ARHGAP19: variants seen among roughly 807,000 people sequenced by gnomAD.
The protein encoded by ARHGAP19 is Rho GTPase activating protein 19, also known as rho GTPase-activating protein 19.
ARHGAP19 carries 48 observed loss-of-function variants against 60.9 expected under a neutral mutation model. The observed-to-expected ratio is 0.79, with a 90% CI of 0.62 to 1.00. The LOEUF (loss-of-function observed/expected upper bound fraction) is 1.00, where lower values mean the gene tolerates loss of function less well. Ranked by LOEUF, ARHGAP19 falls within the 50% of genes least tolerant of loss-of-function variation. The probability of loss-of-function intolerance (pLI) is 0.00; values close to 1 mark genes in which losing one functional copy is unlikely to be tolerated. For missense variants in ARHGAP19, 562 were observed against 597.2 expected, an observed-to-expected ratio of 0.94 and a Z score of 0.61; for synonymous variants, 209 against 215.5, an observed-to-expected ratio of 0.97 and a Z score of 0.27.
chr10:97,232,194 C>T (rs1362515082), intron 9 of ARHGAP19, among the ~76,000 whole-genome samples: 9 of 121,318 alleles, frequency 7.4e-5, no homozygotes, highest in Admixed American at 7.3e-4. Context: ...GACAGAGTCT[C>T]GCTCTGTCAC....
At chr10:97,283,122 C>T (rs560400949) in intron 1 of ARHGAP19, among the ~76,000 whole-genome samples, 42 of 152,086 alleles carry the variant, frequency 2.8e-4, no homozygotes, top group Non-Finnish European at 3.7e-4. Flanking sequence ...GGATTACAGG[C>T]GTGAGCCACC....
Position 97,243,982 on chromosome 10 carries a change from G to A in ARHGAP19, c.1171C>T (p.Gln391Ter), listed in dbSNP as rs781278690. The A allele has an allele frequency of 1.2e-6, 2 of 1,608,670 alleles. No homozygotes were observed. Among genetic ancestry groups the A allele is most frequent in the African/African-American group, 1.3e-5 (1 of 74,806 alleles). ...HDMPESAKKK[Q>*]LIRQFNKQSL... ...CCTTTAGGCACCTGTCTAATAAGTT[G>A]TTTCTTCTTTGCTGACTCTGGCATA... Residue 391 changes from glutamine to a stop codon, truncating the protein, a stop_gained, in exon 8 of 12, where the codon CAA becomes TAA. Coordinates refer to ENST00000358531, the MANE Select transcript of ARHGAP19 (RefSeq NM_032900.6). LOFTEE classifies it high-confidence loss of function.
In ARHGAP19 at chr10:97,222,731, G is replaced by A. The variant is rs950301611; in HGVS notation, c.*3391C>T. 6.6e-6 allele frequency: 1 copy of A among 152,154 alleles called. No individual in the cohort carries two copies. The highest frequency in any genetic ancestry group is 1.9e-4 in the East Asian group (1 of 5,194). 9.4% of individuals were successfully genotyped at this position (152,154 alleles called of 1,614,324 possible). Reference sequence around the variant, plus strand: ...GTATCTAGGTTTAGATCTAGGTCCTGTCTTCCGTTTGAAGCCTTCAGGGTA... The same window carrying A: ...GTATCTAGGTTTAGATCTAGGTCCTATCTTCCGTTTGAAGCCTTCAGGGTA... On this transcript the variant is annotated 3_prime_UTR_variant, in exon 12 of 12. Transcript: ENST00000358531.
At chr10:97,238,751 A>T (rs1289570406) in intron 8 of ARHGAP19, among the ~76,000 whole-genome samples, 1 of 152,152 alleles carries the variant, frequency 6.6e-6, no homozygotes, top group Non-Finnish European at 1.5e-5. Flanking sequence ...GAAGAAAAAA[A>T]TTTTATAAAT....
intron 8 of ARHGAP19, among the ~76,000 whole-genome samples, chr10:97,236,406 T>C (rs1346497227): frequency 6.6e-6 from 1 of 152,128 alleles, no homozygotes; most frequent in Non-Finnish European, 1.5e-5. Context: ...CAAAGTTAAT[T>C]GTCTCGGCAG....
rs898389471 is a variant in ARHGAP19, at chr10:97,244,075, G to A, written c.1078C>T (p.Pro360Ser). ...SQKRNRVDSC[P>S]HQEETQHHTE... ...TGGTGCTGGGTCTCCTCCTGGTGAG[G>A]GCAGGAATCTACCCGGTTCCGTTTC... Residue 360 changes from proline (P) to serine (S), a missense_variant, in exon 8 of 12, where the codon CCT (proline) becomes TCT (serine). Transcript: ENST00000358531. The A allele has an allele frequency of 2.5e-6, 4 of 1,613,960 alleles. No homozygotes were observed. Among genetic ancestry groups the A allele is most frequent in the Non-Finnish European group, 3.4e-6 (4 of 1,179,942 alleles).
intron 4 of ARHGAP19, among the ~76,000 whole-genome samples, chr10:97,261,365 G>T (rs569566804): frequency 5.3e-5 from 8 of 152,288 alleles, no homozygotes; most frequent in African/African-American, 1.7e-4. Flanking sequence ...GCATATGAAA[G>T]GCTACAACTG....
At chr10:97,266,256 G>A (rs775154939) in intron 1 of ARHGAP19, 131 bp from the exon 2 acceptor site, 61 of 1,019,352 alleles carry the variant, frequency 6.0e-5, no homozygotes, top group Non-Finnish European at 8.3e-5. Flanking sequence ...CTTTAACTGA[G>A]CCAGATGCCC....
chr10:97,251,107 G>A (rs1842639307), intron 6 of ARHGAP19, among the ~76,000 whole-genome samples: 1 of 137,192 alleles, frequency 7.3e-6, no homozygotes, highest in African/African-American at 2.8e-5. Flanking sequence ...GGAAAAGGAA[G>A]GGGAAGGGGA....
At chr10:97,244,561 A>C (rs1842535766) in intron 7 of ARHGAP19, among the ~76,000 whole-genome samples, 1 of 152,202 alleles carries the variant, frequency 6.6e-6, no homozygotes, top group Non-Finnish European at 1.5e-5. Flanking sequence ...TGGATACTAA[A>C]GTGACAGACC....
chr10:97,236,367 ACT>A (rs1842378121), intron 8 of ARHGAP19, among the ~76,000 whole-genome samples: 2 of 152,168 alleles, frequency 1.3e-5, no homozygotes, highest in Non-Finnish European at 2.9e-5. Context: ...TTAAAAAATT[ACT>A]TTTACATAAA....
intron 8 of ARHGAP19, among the ~76,000 whole-genome samples, chr10:97,242,549 G>A (rs1842505267): frequency 6.6e-6 from 1 of 151,834 alleles, no homozygotes; most frequent in Non-Finnish European, 1.5e-5. Context: ...TTTCACTCTT[G>A]TTGACCAGGC....
At chr10:97,264,662 A>C (rs1354285450) in intron 3 of ARHGAP19, among the ~76,000 whole-genome samples, 164 bp downstream of exon 3, 2 of 152,216 alleles carry the variant, frequency 1.3e-5, no homozygotes. Flanking sequence ...ATATGAGATG[A>C]AGTTTAAAAG....
intron 4 of ARHGAP19, among the ~76,000 whole-genome samples, chr10:97,261,042 A>G (rs1192577167): frequency 1.3e-5 from 2 of 152,194 alleles, no homozygotes; most frequent in Non-Finnish European, 2.9e-5. Flanking sequence ...GAGAATGAAA[A>G]ATGAGAATGA....
At chr10:97,252,516 C>T (rs920848877) in intron 6 of ARHGAP19, among the ~76,000 whole-genome samples, 33 of 151,302 alleles carry the variant, frequency 2.2e-4, no homozygotes, top group African/African-American at 7.5e-4. Context: ...CCCAGCTACT[C>T]GGGAGGCTGA....
intron 11 of ARHGAP19, among the ~76,000 whole-genome samples, chr10:97,227,235 C>T (rs902858217): frequency 6.6e-6 from 1 of 152,138 alleles, no homozygotes; most frequent in African/African-American, 2.4e-5. Flanking sequence ...ACATCACTAT[C>T]AAAAAATCTG....
chr10:97,263,564 C>T lies in ARHGAP19; in HGVS notation c.469G>A (p.Ala157Thr). ...TCAATGTCAGTTCCATTATTGAGAG[C>T]ATCCCTTAAAATCTGCTGTCGGACA... is the stretch of plus-strand genomic sequence containing the variant. ...NSVRQQILRD[A>T]LNNGTDIDLE... is the part of the protein sequence containing the mutation. The change falls in exon 4 of 12, where the codon GCT becomes ACT. Residue 157 changes from alanine to threonine, a missense_variant. Coordinates refer to ENST00000358531, the MANE Select transcript of ARHGAP19 (RefSeq NM_032900.6). The T allele has an allele frequency of 6.2e-7, 1 of 1,614,158 alleles. No individual in the cohort carries two copies. Among genetic ancestry groups the T allele is most frequent in the Non-Finnish European group, 8.5e-7 (1 of 1,180,030 alleles).
chr10:97,259,702 C>T lies in ARHGAP19; in HGVS notation c.614-74G>A, dbSNP rs1286389084. ...AAAAATCAGTGCTATCACCATTATC[C>T]TCCCCTCAACTCCCATCAAAGAAAG... On this transcript the variant is annotated intron_variant, in intron 4 of 11. Coordinates refer to ENST00000358531, the MANE Select transcript of ARHGAP19 (RefSeq NM_032900.6). 6.1e-6 allele frequency: 6 copies of T among 982,630 alleles called. No homozygotes were observed. In the Admixed American group the frequency reaches 1.1e-4, roughly 18 times the overall value. The allele number at this position is 982,630 out of a possible 1,614,324, so 60.9% of individuals were successfully genotyped here. A position where few individuals can be genotyped will look rare whatever the true frequency, so the allele number is the denominator to read the frequency against.
At chr10:97,261,587 A>T (rs1842829989) in intron 4 of ARHGAP19, among the ~76,000 whole-genome samples, 1 of 152,208 alleles carries the variant, frequency 6.6e-6, no homozygotes, top group African/African-American at 2.4e-5. Flanking sequence ...ATTGTATAAC[A>T]TTCTAGTAGT....
Sources: gnomAD v4.1 joint callset for allele counts (sites outside exome capture counted in the v4.1 genomes callset) on GRCh38, gnomAD v4.1.1 for gene constraint, MANE v1.5 for transcripts, NCBI Gene and HGNC (gene_info 2026-07-23, HGNC 2026-07-21) for gene names.